The following SORCS2 variants were observed in gnomAD, a reference collection of about 807,000 sequenced individuals.
SORCS2 encodes the protein VPS10 domain-containing receptor SorCS2.
In SORCS2, 100 loss-of-function variants were observed where a neutral mutation model predicts 141.6. The ratio of observed to expected loss-of-function variants is 0.71; its 90% CI spans 0.60 to 0.83. The LOEUF (loss-of-function observed/expected upper bound fraction) is 0.83. Among genes scored for constraint, SORCS2 ranks in the 40% least tolerant of loss-of-function variants. The pLI is 0.00. For missense variants in SORCS2, 1,646 were observed against 1,560.2 expected, an observed-to-expected ratio of 1.05 and a Z score of -0.93; for synonymous variants, 789 against 676.9, an observed-to-expected ratio of 1.17 and a Z score of -2.57.
chr4:7,624,280 T>C (rs1326210272), intron 3 of SORCS2, among the ~76,000 whole-genome samples: 2 of 152,140 alleles, frequency 1.3e-5, no homozygotes, highest in Non-Finnish European at 2.9e-5. Flanking sequence ...CACGGGCCTT[T>C]CTTATTGGAG....
Position 7,703,741 on chromosome 4 carries a change from C to G in SORCS2, c.1760+370C>G, listed in dbSNP as rs534954021. On this transcript the variant is annotated intron_variant, in intron 13 of 26. Coordinates refer to ENST00000507866, the MANE Select transcript of SORCS2 (RefSeq NM_020777.3). Reference sequence around the variant, plus strand: ...GGTGAGAGGGTTGGCAGCTGAAGGCCGTCGTGGGGAAGGGAGGGCAGGCGT... The same window carrying G: ...GGTGAGAGGGTTGGCAGCTGAAGGCGGTCGTGGGGAAGGGAGGGCAGGCGT... Among the ~76,000 whole-genome samples, 5 of 151,448 alleles carry G rather than the reference C, an allele frequency of 3.3e-5. No individual in the cohort carries two copies. The East Asian group carries it at 5.9e-4, about 18-fold the overall frequency.
chr4:7,522,212 C>T (rs938887148), intron 2 of SORCS2, among the ~76,000 whole-genome samples: 2 of 152,114 alleles, frequency 1.3e-5, no homozygotes, highest in South Asian at 2.1e-4. Flanking sequence ...GGGAGTGGGG[C>T]GAGCAGGGGC....
chr4:7,491,683 C>T (rs955168401), intron 2 of SORCS2, among the ~76,000 whole-genome samples: 1 of 152,206 alleles, frequency 6.6e-6, no homozygotes, highest in Admixed American at 6.5e-5. Flanking sequence ...GGTTATGAAA[C>T]CTGTATTAAG....
At chr4:7,197,844 T>A (rs1727262493) in intron 1 of SORCS2, among the ~76,000 whole-genome samples, 1 of 152,210 alleles carries the variant, frequency 6.6e-6, no homozygotes, top group Non-Finnish European at 1.5e-5. Flanking sequence ...ATCCTGGCCC[T>A]GCCACTCTCT....
chr4:7,623,755 G>A (rs201946356), intron 3 of SORCS2, among the ~76,000 whole-genome samples: 15 of 152,276 alleles, frequency 9.9e-5, no homozygotes, highest in Middle Eastern at 3.4e-3. Context: ...CACGGCTGCC[G>A]CTTATGCGCT....
chr4:7,716,329 C>T (rs574778089), intron 17 of SORCS2, among the ~76,000 whole-genome samples: 101 of 152,004 alleles, frequency 6.6e-4, no homozygotes, highest in African/African-American at 2.4e-3. Flanking sequence ...CCCACCCATC[C>T]ATGCAATCAC....
chr4:7,386,614 C>CCACCATACACATGAACACATGCA (rs1239708726), intron 1 of SORCS2, among the ~76,000 whole-genome samples: 7 of 148,338 alleles, frequency 4.7e-5, no homozygotes. Context: ...ACACATATGC[C>CCACCATACACATGAACACATGCA]CACCATACAC....
intron 2 of SORCS2, among the ~76,000 whole-genome samples, chr4:7,446,260 G>T (rs531861170): frequency 6.6e-6 from 1 of 152,164 alleles, no homozygotes; most frequent in Non-Finnish European, 1.5e-5. Flanking sequence ...CGCACAGTGA[G>T]TTGGAGGGAC....
At chr4:7,483,088 A>C (rs1357645843) in intron 2 of SORCS2, among the ~76,000 whole-genome samples, 2 of 152,092 alleles carry the variant, frequency 1.3e-5, no homozygotes, top group Non-Finnish European at 2.9e-5. Flanking sequence ...TGGGAGGCTG[A>C]GACGGGGGGA....
At chr4:7,372,075 C>G (rs954152439) in intron 1 of SORCS2, among the ~76,000 whole-genome samples, 2 of 152,158 alleles carry the variant, frequency 1.3e-5, no homozygotes, top group Non-Finnish European at 2.9e-5. Context: ...GATATTCAGT[C>G]TAGAAACAGG....
rs565352162 is a variant in SORCS2 at position 7,590,317 on chromosome 4, T to C, written c.649-48011T>C. ...GGGTGTTTGATTACCGAATGAGTCATGCATATTCATAGCTGTGCTTTCATC... is the reference window on the plus strand; with the variant it reads ...GGGTGTTTGATTACCGAATGAGTCACGCATATTCATAGCTGTGCTTTCATC... On this transcript the variant is annotated intron_variant, in intron 3 of 26. Coordinates refer to ENST00000507866, the MANE Select transcript of SORCS2 (RefSeq NM_020777.3). Among the ~76,000 whole-genome samples the C allele has an allele frequency of 1.9e-4, 29 of 152,356 alleles. No homozygotes were observed. In the East Asian group the frequency reaches 5.6e-3, roughly 29 times the overall value.
chr4:7,492,663 G>T (rs186155643), intron 2 of SORCS2, among the ~76,000 whole-genome samples: 186 of 152,338 alleles, frequency 1.2e-3, no homozygotes, highest in African/African-American at 4.3e-3. Context: ...AATAATTAAT[G>T]AATGAGTCCT....
chr4:7,392,735 C>G (rs1490976253), intron 1 of SORCS2, among the ~76,000 whole-genome samples: 1 of 151,988 alleles, frequency 6.6e-6, no homozygotes, highest in Non-Finnish European at 1.5e-5. Context: ...GCAGGCATCA[C>G]AGAGGGGGGA....
chr4:7,506,713 T>C (rs145855027), intron 2 of SORCS2, among the ~76,000 whole-genome samples: 79 of 152,332 alleles, frequency 5.2e-4, no homozygotes, highest in African/African-American at 1.8e-3. Flanking sequence ...TTAAAGGACA[T>C]AGGCTGTGCA....
At position 7,446,064 on chromosome 4, in the gene SORCS2, C is replaced by G. The variant is rs554497876; in HGVS notation, c.548+49709C>G. Among the ~76,000 whole-genome samples the G allele has an allele frequency of 2.0e-5, 3 of 152,168 alleles. No homozygotes were observed. In the South Asian group the frequency reaches 6.2e-4, roughly 32 times the overall value. ...CCTTTCCTTTCATTTCTTCCCCCTT[C>G]CTTCCTTCCTCCCTGTCTTCTCTTC... On this transcript the variant is annotated intron_variant, in intron 2 of 26. Transcript: ENST00000507866.
chr4:7,526,148 G>A (rs1026227323), intron 2 of SORCS2, among the ~76,000 whole-genome samples: 1 of 152,250 alleles, frequency 6.6e-6, no homozygotes. Context: ...CGCCATTCAG[G>A]CAGATTCCAC....
chr4:7,351,209 C>T (rs997564392), intron 1 of SORCS2, among the ~76,000 whole-genome samples: 7 of 152,132 alleles, frequency 4.6e-5, no homozygotes, highest in African/African-American at 1.7e-4. Flanking sequence ...TAATTGTGAG[C>T]GCAGGGACTT....
intron 1 of SORCS2, among the ~76,000 whole-genome samples, chr4:7,203,145 T>C (rs1016149364): frequency 1.3e-5 from 2 of 152,368 alleles, no homozygotes; most frequent in South Asian, 4.1e-4. Context: ...AAAATTCTTT[T>C]TGCTGGCTGG....
intron 1 of SORCS2, among the ~76,000 whole-genome samples, chr4:7,269,299 G>C (rs748481106): frequency 6.6e-6 from 1 of 152,216 alleles, no homozygotes; most frequent in Non-Finnish European, 1.5e-5. Flanking sequence ...CGGCAGGAAG[G>C]GAGCTGCCGT....
Sources: gnomAD v4.1 joint callset for allele counts (sites outside exome capture counted in the v4.1 genomes callset) on GRCh38, gnomAD v4.1.1 for gene constraint, MANE v1.5 for transcripts, NCBI Gene and HGNC (gene_info 2026-07-23, HGNC 2026-07-21) for gene names.